The following PCGF6 variants were observed in gnomAD, a reference collection of about 807,000 sequenced individuals.
PCGF6 encodes polycomb group ring finger 6.
A neutral mutation model predicts 45.5 loss-of-function variants in PCGF6; 24 were observed. The ratio of observed to expected loss-of-function variants is 0.53; its 90% CI spans 0.38 to 0.74. PCGF6 has a LOEUF of 0.74. Ranked by LOEUF, PCGF6 falls within the 30% of genes least tolerant of loss-of-function variation. The pLI, the probability that PCGF6 is intolerant of heterozygous loss-of-function variation, is 0.00. For synonymous variants in PCGF6, 152 were observed against 162.1 expected, an observed-to-expected ratio of 0.94 and a Z score of 0.47; for missense variants, 356 against 443.2, an observed-to-expected ratio of 0.80 and a Z score of 1.77.
At chr10:103,341,697 G>A (rs2093281507) in intron 6 of PCGF6, among the ~76,000 whole-genome samples, 1 of 151,518 alleles carries the variant, frequency 6.6e-6, no homozygotes, top group Admixed American at 6.6e-5. Context: ...GCCCACCTAA[G>A]CCTCCCAGAA....
At chr10:103,332,944 G>A (rs1450882127) in intron 7 of PCGF6, among the ~76,000 whole-genome samples, 7 of 151,968 alleles carry the variant, frequency 4.6e-5, no homozygotes, top group Non-Finnish European at 1.0e-4. Flanking sequence ...GTGAAACACC[G>A]TCTCTACTAA....
intron 9 of PCGF6, among the ~76,000 whole-genome samples, chr10:103,313,070 T>C (rs2093163122): frequency 6.6e-6 from 1 of 152,262 alleles, no homozygotes; most frequent in Admixed American, 6.5e-5. Flanking sequence ...TTGTAGATCC[T>C]ATCTTGGTTT....
intron 1 of PCGF6, among the ~76,000 whole-genome samples, chr10:103,349,787 C>T (rs977960025): frequency 2.0e-5 from 3 of 148,844 alleles, no homozygotes; most frequent in African/African-American, 7.4e-5. Context: ...ATTATTGTTT[C>T]AAAAGGATCT....
intron 6 of PCGF6, among the ~76,000 whole-genome samples, chr10:103,341,826 CAA>C (rs1388544491): frequency 6.6e-6 from 1 of 152,078 alleles, no homozygotes; most frequent in Non-Finnish European, 1.5e-5. Context: ...GAAAACAAAA[CAA>C]AAGTCACATT....
At chr10:103,326,739 C>G (rs190209704) in intron 7 of PCGF6, 107 bp from the exon 8 acceptor site, 4 of 669,414 alleles carry the variant, frequency 6.0e-6, no homozygotes, top group Non-Finnish European at 9.2e-6. Flanking sequence ...AATTTTATAG[C>G]GAAGATGATT....
At chr10:103,338,751 C>T (rs1436067345) in intron 6 of PCGF6, among the ~76,000 whole-genome samples, 4 of 151,902 alleles carry the variant, frequency 2.6e-5, no homozygotes, top group African/African-American at 9.7e-5. Flanking sequence ...GCCTGTAATC[C>T]CAGCTACTTG....
chr10:103,332,193 A>G (rs2093242524), intron 7 of PCGF6, among the ~76,000 whole-genome samples: 1 of 152,154 alleles, frequency 6.6e-6, no homozygotes. Flanking sequence ...TCAAGGTGAT[A>G]TTGCTACCAT....
chr10:103,308,079 G>C (rs1408519057), intron 9 of PCGF6, among the ~76,000 whole-genome samples: 1 of 152,120 alleles, frequency 6.6e-6, no homozygotes, highest in Non-Finnish European at 1.5e-5. Flanking sequence ...TAGTGGCAGA[G>C]CCCTCACAGA....
intron 7 of PCGF6, among the ~76,000 whole-genome samples, chr10:103,332,705 A>T (rs879931061): frequency 2.0e-5 from 3 of 152,164 alleles, no homozygotes; most frequent in Non-Finnish European, 2.9e-5. Context: ...CTTAAACCAT[A>T]CAAAAACGTA....
At chr10:103,350,441 ATTAT>A (rs1426288455) in intron 1 of PCGF6, among the ~76,000 whole-genome samples, 1 of 152,168 alleles carries the variant, frequency 6.6e-6, no homozygotes, top group East Asian at 1.9e-4. Context: ...AATAATTATA[ATTAT>A]TAACAGAACG....
At chr10:103,305,706 T>TA (rs1197623549) in intron 9 of PCGF6, among the ~76,000 whole-genome samples, 16 of 152,124 alleles carry the variant, frequency 1.1e-4, no homozygotes, top group African/African-American at 3.9e-4. Context: ...CTGAAACACT[T>TA]ACTCATTTAA....
intron 6 of PCGF6, among the ~76,000 whole-genome samples, chr10:103,337,576 C>T (rs985285865): frequency 6.6e-6 from 1 of 152,142 alleles, no homozygotes. Context: ...TGGGTTATTT[C>T]TTTTTATAAT....
At chr10:103,349,469 C>G (rs1213131442) in intron 1 of PCGF6, among the ~76,000 whole-genome samples, 3 of 135,086 alleles carry the variant, frequency 2.2e-5, no homozygotes, top group Non-Finnish European at 4.7e-5. Flanking sequence ...ATTATTGTTT[C>G]TTTCTTTCCG....
intron 8 of PCGF6, among the ~76,000 whole-genome samples, chr10:103,324,846 T>C (rs1386249674): frequency 1.6e-5 from 2 of 125,958 alleles, no homozygotes; most frequent in African/African-American, 6.2e-5. Context: ...AAAAAACTAA[T>C]AGGGTCAGCT....
At chr10:103,346,369 T>C (rs1413856803) in intron 5 of PCGF6, among the ~76,000 whole-genome samples, 7 of 151,958 alleles carry the variant, frequency 4.6e-5, no homozygotes, top group Non-Finnish European at 8.8e-5. Flanking sequence ...CTCAAGCCTG[T>C]AATCCCAGCA....
intron 7 of PCGF6, among the ~76,000 whole-genome samples, chr10:103,328,322 T>C (rs2093226896): frequency 6.6e-6 from 1 of 152,208 alleles, no homozygotes; most frequent in African/African-American, 2.4e-5. Context: ...TAGTTTGTTC[T>C]TGAGAACTTT....
intron 9 of PCGF6, among the ~76,000 whole-genome samples, chr10:103,312,939 C>T (rs376882943): frequency 9.2e-5 from 14 of 151,574 alleles, no homozygotes; most frequent in African/African-American, 2.9e-4. Flanking sequence ...CCAGCCTGGG[C>T]GACAGAGCGA....
At chr10:103,315,650 T>C (rs2093172315) in intron 8 of PCGF6, among the ~76,000 whole-genome samples, 2 of 152,016 alleles carry the variant, frequency 1.3e-5, no homozygotes, top group African/African-American at 2.4e-5. Flanking sequence ...TGAGCCACCG[T>C]GCCCGGCCAA....
intron 8 of PCGF6, among the ~76,000 whole-genome samples, chr10:103,321,725 CAAT>C (rs890384012): frequency 2.0e-5 from 3 of 151,078 alleles, no homozygotes; most frequent in East Asian, 1.9e-4. Flanking sequence ...AAGAAACAAA[CAAT>C]AATAATAATA....
Sources: allele counts gnomAD v4.1 joint callset (sites outside exome capture counted in the v4.1 genomes callset), GRCh38; gene constraint gnomAD v4.1.1; transcripts MANE v1.5; gene names NCBI Gene and HGNC (gene_info 2026-07-23, HGNC 2026-07-21).